Variants in LRMDA observed in about 807,000 individuals in gnomAD.
The protein encoded by LRMDA is leucine rich melanocyte differentiation associated, also known as leucine-rich melanocyte differentiation-associated protein.
Under a neutral mutation model 29.8 loss-of-function variants are expected in LRMDA, and 18 were observed. That is an observed-to-expected ratio of 0.60 (90% CI 0.42 to 0.90). The LOEUF (loss-of-function observed/expected upper bound fraction) is 0.90, where lower values mean the gene tolerates loss of function less well. Ranked by LOEUF, LRMDA falls within the 40% of genes least tolerant of loss-of-function variation. LRMDA has a pLI of 0.00. For missense variants in LRMDA, 273 were observed against 273.9 expected (o/e 1.00, Z 0.02); for synonymous variants, 125 against 109.4 (o/e 1.14, Z -0.89).
chr10:75,608,129 T>TATATATATATATATATATATATATAC (rs11271217), intron 2 of LRMDA, among the ~76,000 whole-genome samples: 3 of 89,594 alleles, frequency 3.3e-5, no homozygotes, highest in South Asian at 4.1e-4. Flanking sequence ...TATATATATA[T>TATATATATATATATATATATATATAC]ACACACACAT....
intron 2 of LRMDA, among the ~76,000 whole-genome samples, chr10:75,690,994 TAC>T (rs3041682): frequency 0.052 from 5,238 of 99,950 alleles, 251 homozygotes; most frequent in African/African-American, 0.11. Context: ...TATATATATA[TAC>T]ACACACACAC....
chr10:76,283,514 A>G (rs567171994), intron 5 of LRMDA, among the ~76,000 whole-genome samples: 1 of 152,322 alleles, frequency 6.6e-6, no homozygotes, highest in African/African-American at 2.4e-5. Flanking sequence ...GGCCTCTAAA[A>G]TACTCAGGTG....
intron 2 of LRMDA, among the ~76,000 whole-genome samples, chr10:75,745,980 T>C (rs1418615747): frequency 6.6e-6 from 1 of 152,234 alleles, no homozygotes; most frequent in African/African-American, 2.4e-5. Context: ...GGGTACATGA[T>C]ACCAGCCTGG....
intron 6 of LRMDA, among the ~76,000 whole-genome samples, chr10:76,392,213 C>A (rs1264954531): frequency 6.6e-6 from 1 of 152,036 alleles, no homozygotes; most frequent in Non-Finnish European, 1.5e-5. Context: ...TCTCGGTAAT[C>A]CCATCTTCAT....
intron 6 of LRMDA, among the ~76,000 whole-genome samples, chr10:76,540,619 T>C (rs1376006949): frequency 6.6e-6 from 1 of 152,122 alleles, no homozygotes; most frequent in African/African-American, 2.4e-5. Flanking sequence ...AATAGAGTCA[T>C]TGGAAATGAA....
chr10:75,709,161 T>C (rs1432898704), intron 2 of LRMDA, among the ~76,000 whole-genome samples: 1 of 152,228 alleles, frequency 6.6e-6, no homozygotes, highest in Non-Finnish European at 1.5e-5. Flanking sequence ...TTAAATGTTT[T>C]CAAAACTAAG....
At chr10:75,800,875 C>T (rs749203762) in intron 2 of LRMDA, among the ~76,000 whole-genome samples, 3 of 152,174 alleles carry the variant, frequency 2.0e-5, no homozygotes, top group Non-Finnish European at 4.4e-5. Flanking sequence ...GTTAAGACTT[C>T]TGTTCTAGAT....
At chr10:75,521,856 T>G (rs1314975468) in intron 2 of LRMDA, among the ~76,000 whole-genome samples, 1 of 152,236 alleles carries the variant, frequency 6.6e-6, no homozygotes, top group East Asian at 1.9e-4. Flanking sequence ...TTATGTTATA[T>G]TAATTTTATC....
chr10:76,524,864 A>G (rs955570379), intron 6 of LRMDA, among the ~76,000 whole-genome samples: 1 of 152,242 alleles, frequency 6.6e-6, no homozygotes, highest in Non-Finnish European at 1.5e-5. Context: ...GACTTAGTTC[A>G]GCTTTTCATT....
intron 2 of LRMDA, among the ~76,000 whole-genome samples, chr10:75,520,012 T>A (rs1158675641): frequency 2.0e-5 from 3 of 152,250 alleles, no homozygotes; most frequent in Non-Finnish European, 1.5e-5. Flanking sequence ...TGGCCCCCAC[T>A]GTCTTCTGGC....
intron 5 of LRMDA, among the ~76,000 whole-genome samples, chr10:76,307,753 G>A (rs553511017): frequency 6.6e-6 from 1 of 152,284 alleles, no homozygotes; most frequent in Non-Finnish European, 1.5e-5. Flanking sequence ...GTACAGATGT[G>A]GGGGGCTCCT....
chr10:76,318,838 G>A (rs1840732818), intron 5 of LRMDA: 1 of 152,234 alleles, frequency 6.6e-6, no homozygotes, highest in Non-Finnish European at 1.5e-5. Context: ...TTCAGAAGAT[G>A]GCAAGTCTTT....
intron 2 of LRMDA, among the ~76,000 whole-genome samples, chr10:75,667,152 A>T (rs1367715253): frequency 6.6e-6 from 1 of 151,912 alleles, no homozygotes; most frequent in Non-Finnish European, 1.5e-5. Flanking sequence ...ATAATGAAAT[A>T]TATATTATTT....
chr10:75,540,575 C>T (rs993102993), intron 2 of LRMDA, among the ~76,000 whole-genome samples: 1 of 152,180 alleles, frequency 6.6e-6, no homozygotes, highest in Non-Finnish European at 1.5e-5. Context: ...GCACTCTGCT[C>T]CACTATTTGC....
chr10:76,442,583 C>T (rs1470657317), intron 6 of LRMDA, among the ~76,000 whole-genome samples: 1 of 152,086 alleles, frequency 6.6e-6, no homozygotes, highest in African/African-American at 2.4e-5. Context: ...GTCCCAGCTA[C>T]TCAGGAGGCT....
Position 76,459,430 on chromosome 10 carries a change from C to A in LRMDA, c.602-97779C>A, listed in dbSNP as rs750291766. ...GGAGTTCAACACCTCATGGAGCAAT[C>A]CAAAATAGACGCACAGAATGTTAAT... On this transcript the variant is annotated intron_variant, in intron 6 of 6. Coordinates refer to ENST00000611255, the MANE Select transcript of LRMDA (RefSeq NM_001305581.2). Among the ~76,000 whole-genome samples, 7 of 152,136 alleles carry A rather than the reference C, an allele frequency of 4.6e-5. No homozygotes were observed. The South Asian group carries it at 1.0e-3, about 22-fold the overall frequency.
intron 2 of LRMDA, among the ~76,000 whole-genome samples, chr10:75,847,771 G>A (rs544638961): frequency 8.5e-5 from 13 of 152,124 alleles, no homozygotes; most frequent in Admixed American, 6.5e-4. Flanking sequence ...TAATCATAAG[G>A]GGAAAATCAA....
intron 2 of LRMDA, among the ~76,000 whole-genome samples, chr10:75,570,529 CAT>C (rs532772358): frequency 1.3e-5 from 2 of 152,134 alleles, no homozygotes; most frequent in Non-Finnish European, 2.9e-5. Flanking sequence ...AAGGAACTAT[CAT>C]AAAATTATTT....
chr10:75,612,818 GA>G (rs752432937), intron 2 of LRMDA, among the ~76,000 whole-genome samples: 38 of 145,190 alleles, frequency 2.6e-4, no homozygotes, highest in South Asian at 2.2e-4. Context: ...AGTGTAAAAT[GA>G]AAAAAAAAAC....
Sources: gnomAD v4.1 joint callset for allele counts (sites outside exome capture counted in the v4.1 genomes callset) on GRCh38, gnomAD v4.1.1 for gene constraint, MANE v1.5 for transcripts, NCBI Gene and HGNC (gene_info 2026-07-23, HGNC 2026-07-21) for gene names.